Variants in HCN3 observed in about 807,000 individuals in gnomAD.
HCN3 encodes the protein potassium/sodium hyperpolarization-activated cyclic nucleotide-gated channel 3.
A neutral mutation model predicts 56.8 loss-of-function variants in HCN3; 36 were observed. The observed-to-expected ratio is 0.63, with a 90% CI of 0.49 to 0.84. The LOEUF is 0.84. Among genes scored for constraint, HCN3 ranks in the 40% least tolerant of loss-of-function variants. The pLI is 0.00. For synonymous variants in HCN3, 425 were observed against 439.7 expected (o/e 0.97, Z 0.42); for missense variants, 930 against 1,079.3 (o/e 0.86, Z 1.94).
Position 155,288,103 on chromosome 1 carries a change from C to G in HCN3, c.1965C>G (p.Ser655=). 6.2e-7 allele frequency: 1 copy of G among 1,607,826 alleles called. No homozygotes were observed. ...GGCGCTCAGCAGGCTCTCCAGCTTC[C>G]CCGCTGGTGCCCGTCCGAGCTGGCC... ...SAWRSAGSPA[S]PLVPVRAGPW... is the part of the protein sequence containing the mutation. The change falls in exon 8 of 8, where the codon TCC becomes TCG. Residue 655 remains serine (S), a synonymous_variant. Coordinates refer to ENST00000368358, the MANE Select transcript of HCN3 (RefSeq NM_020897.3). This position sits in a 1 kb window ranked among gnomAD's most constrained non-coding sequence, Gnocchi z 6.5.
rs1043342365 is a variant in HCN3 at position 155,282,298 on chromosome 1, T to G, written c.279-113T>G. On this transcript the variant is annotated intron_variant, in intron 1 of 7. Coordinates refer to ENST00000368358, the MANE Select transcript of HCN3 (RefSeq NM_020897.3). This position sits in a 1 kb window ranked among gnomAD's most constrained non-coding sequence, Gnocchi z 4.7. ...TACTCCCAACAGCTGTAAACAGTCA[T>G]TCTGTTATTGTGTATCTTTGCCCAT... 3.1e-6 allele frequency: 3 copies of G among 971,720 alleles called. No individual in the cohort carries two copies. The highest frequency in any genetic ancestry group is 3.2e-6 in the Non-Finnish European group (2 of 634,796). The allele number at this position is 971,720 out of a possible 1,614,324, so 60.2% of individuals were successfully genotyped here.
Position 155,282,314 on chromosome 1 carries a change from C to T in HCN3, c.279-97C>T. ...AAACAGTCATTCTGTTATTGTGTAT[C>T]TTTGCCCATTCTTGGCCATGTCAGC... On this transcript the variant is annotated intron_variant, in intron 1 of 7. Transcript: ENST00000368358. The surrounding 1 kb of genome is among the most constrained non-coding windows in gnomAD (Gnocchi z 4.7). 3 of 1,148,114 alleles carry T rather than the reference C, an allele frequency of 2.6e-6. No homozygotes were observed. The highest frequency in any genetic ancestry group is 2.8e-5 in the South Asian group (2 of 71,944). The allele number at this position is 1,148,114 out of a possible 1,614,324, so 71.1% of individuals were successfully genotyped here.
chr1:155,277,538 C>T lies in HCN3; in HGVS notation c.-53C>T. 6.6e-7 allele frequency: 1 copy of T among 1,505,362 alleles called. No homozygotes were observed. Among genetic ancestry groups the T allele is most frequent in the Non-Finnish European group, 8.9e-7 (1 of 1,126,690 alleles). 93.3% of individuals were successfully genotyped at this position (1,505,362 alleles called of 1,614,324 possible). A position where few individuals can be genotyped will look rare whatever the true frequency, so the allele number is the denominator to read the frequency against. On this transcript the variant is annotated 5_prime_UTR_variant, in exon 1 of 8. Coordinates refer to ENST00000368358, the MANE Select transcript of HCN3 (RefSeq NM_020897.3). ...CCTGCTCTGGAGGGGTTGCGGGTAC[C>T]TGATGGCCACAGAGGGCTCTAGGAG...
rs374546210 is a variant in HCN3, at chr1:155,284,165, T to C, written c.870+30T>C. On this transcript the variant is annotated intron_variant, in intron 3 of 7. Coordinates refer to ENST00000368358, the MANE Select transcript of HCN3 (RefSeq NM_020897.3). This position sits in a 1 kb window ranked among gnomAD's most constrained non-coding sequence, Gnocchi z 4.3. ...GAAGTCCCCACAGCTCTGCCTTTCC[T>C]GGGCCTTCTTAGGGCTCTTCTGCCT... 2 of 1,608,400 alleles carry C rather than the reference T, an allele frequency of 1.2e-6. No individual in the cohort carries two copies. The highest frequency in any genetic ancestry group is 1.7e-6 in the Non-Finnish European group (2 of 1,175,876).
chr1:155,285,935 C>T lies in HCN3; in HGVS notation c.1448C>T (p.Thr483Ile). 6.3e-7 allele frequency: 1 copy of T among 1,598,944 alleles called. No homozygotes were observed. The highest frequency in any genetic ancestry group is 1.1e-5 in the South Asian group (1 of 89,756). Residue 483 changes from threonine to isoleucine, a missense_variant, in exon 6 of 8, where the codon ACA becomes ATA. Physicochemically the swap from Thr to Ile is moderately conservative, Grantham distance 89. Transcript: ENST00000368358. The surrounding 1 kb of genome is among the most constrained non-coding windows in gnomAD (Gnocchi z 4.5). Reference sequence around the variant, plus strand: ...GTGCTGGCCCGCGGCGCCCGGGACACACGCCTCACCGATGGATCCTACTTT... The same window carrying T: ...GTGCTGGCCCGCGGCGCCCGGGACATACGCCTCACCGATGGATCCTACTTT... ...LSVLARGARD[T>I]RLTDGSYFGE...
At chr1:155,278,321 C>A (rs1336451852) in intron 1 of HCN3, 2 of 173,394 alleles carry the variant, frequency 1.2e-5, no homozygotes, top group Non-Finnish European at 2.5e-5. Context: ...CCTAGTTCAG[C>A]ATGACAGACT....
chr1:155,280,366 C>T (rs1174985234), intron 1 of HCN3, among the ~76,000 whole-genome samples: 1 of 151,676 alleles, frequency 6.6e-6, no homozygotes, highest in African/African-American at 2.4e-5. Context: ...CAGGTTCAAG[C>T]AATTCTCCTG....
Position 155,284,337 on chromosome 1 carries a change from C to G in HCN3, c.870+202C>G. The G allele has an allele frequency of 1.2e-6, 1 of 839,154 alleles. No individual in the cohort carries two copies. Among genetic ancestry groups the G allele is most frequent in the Non-Finnish European group, 1.8e-6 (1 of 554,790 alleles). The allele number at this position is 839,154 out of a possible 1,614,324, so 52.0% of individuals were successfully genotyped here. A position where few individuals can be genotyped will look rare whatever the true frequency, so the allele number is the denominator to read the frequency against. On this transcript the variant is annotated intron_variant, in intron 3 of 7. Coordinates refer to ENST00000368358, the MANE Select transcript of HCN3 (RefSeq NM_020897.3). This position sits in a 1 kb window ranked among gnomAD's most constrained non-coding sequence, Gnocchi z 4.3. ...GGAGGGAGCAGGCAAAGGAAGGGTA[C>G]CTACCCGGAAGCTGAGGCCCCCAAG...
intron 1 of HCN3, among the ~76,000 whole-genome samples, chr1:155,279,975 C>T (rs916782371): frequency 4.6e-5 from 7 of 151,838 alleles, no homozygotes; most frequent in Non-Finnish European, 1.0e-4. Context: ...GAGAAGGAGT[C>T]TCACTGTGTC....
rs34218829 is a variant in HCN3 at position 155,285,819 on chromosome 1, G to T, written c.1332G>T (p.Leu444=). The T allele has an allele frequency of 6.4e-3, 10,298 of 1,614,198 alleles. 593 individuals carry two copies. In the African/African-American group the frequency reaches 0.12, roughly 19 times the overall value. Residue 444 remains leucine, a synonymous_variant, in exon 6 of 8, where the codon CTG becomes CTT. Coordinates refer to ENST00000368358, the MANE Select transcript of HCN3 (RefSeq NM_020897.3). This position sits in a 1 kb window ranked among gnomAD's most constrained non-coding sequence, Gnocchi z 4.5. ...PSFVTAVLTK[L]RFEVFQPGDL... ...TCGTCACTGCAGTTCTCACCAAGCT[G>T]CGCTTTGAGGTCTTCCAGCCGGGGG...
At chr1:155,279,303 T>C (rs1042356331) in intron 1 of HCN3, among the ~76,000 whole-genome samples, 2 of 152,206 alleles carry the variant, frequency 1.3e-5, no homozygotes, top group African/African-American at 2.4e-5. Flanking sequence ...CAGTTCCCTC[T>C]TGACCTCTTC....
intron 6 of HCN3, 81 bp from the exon 7 acceptor site, chr1:155,287,092 T>C (rs1674313608): frequency 6.6e-7 from 1 of 1,519,412 alleles, no homozygotes; most frequent in Non-Finnish European, 8.9e-7. Context: ...CCTTAGAAAG[T>C]TGGGTCCACT....
At chr1:155,277,902 T>G in intron 1 of HCN3, 34 bp downstream of exon 1, 1 of 1,599,790 alleles carries the variant, frequency 6.3e-7, no homozygotes, top group Non-Finnish European at 8.5e-7. Context: ...GCAGGGTACA[T>G]CAATCCCACC....
In HCN3 at chr1:155,285,411, G is replaced by A; in HGVS notation, c.1236+100G>A. 2.1e-6 allele frequency: 3 copies of A among 1,455,352 alleles called. No homozygotes were observed. The highest frequency in any genetic ancestry group is 2.8e-6 in the Non-Finnish European group (3 of 1,080,528). 90.2% of individuals were successfully genotyped at this position (1,455,352 alleles called of 1,614,324 possible). ...CAGCAGGTGCTCCTATAGGGAATGA[G>A]GCCTGCAGAGGGCCCCGTGGGAGGC... On this transcript the variant is annotated intron_variant, in intron 5 of 7. Coordinates refer to ENST00000368358, the MANE Select transcript of HCN3 (RefSeq NM_020897.3). The surrounding 1 kb of genome is among the most constrained non-coding windows in gnomAD (Gnocchi z 4.5).
rs1256313130 is a variant in HCN3, at chr1:155,289,264, T to C, written c.*801T>C. On this transcript the variant is annotated 3_prime_UTR_variant, in exon 8 of 8. Coordinates refer to ENST00000368358, the MANE Select transcript of HCN3 (RefSeq NM_020897.3). ...AGGGGCAAATGGCTGAATCCTTGTG[T>C]GATATTTTTTTCTTCGCTTGTTTAT... The C allele has an allele frequency of 6.6e-6, 1 of 152,342 alleles. No individual in the cohort carries two copies. The highest frequency in any genetic ancestry group is 1.5e-5 in the Non-Finnish European group (1 of 68,042). 9.4% of individuals were successfully genotyped at this position (152,342 alleles called of 1,614,324 possible).
chr1:155,288,448 T>C lies in HCN3; in HGVS notation c.2310T>C (p.Leu770=). The C allele has an allele frequency of 6.2e-7, 1 of 1,600,652 alleles. No individual in the cohort carries two copies. Among genetic ancestry groups the C allele is most frequent in the Non-Finnish European group, 8.5e-7 (1 of 1,174,318 alleles). Residue 770 remains leucine (L), a synonymous_variant, in exon 8 of 8, where the codon CTT becomes CTC. Transcript: ENST00000368358. This position sits in a 1 kb window ranked among gnomAD's most constrained non-coding sequence, Gnocchi z 6.5. ...PEPATPRGLQ[L]SANM Reference sequence around the variant, plus strand: ...CAGCCACACCCCGGGGTCTCCAGCTTTCTGCCAACATGTAAAACCTTTGAG... The same window carrying C: ...CAGCCACACCCCGGGGTCTCCAGCTCTCTGCCAACATGTAAAACCTTTGAG...
rs2148191233 is a variant in HCN3, at chr1:155,288,766, G to A, written c.*303G>A. ...AAGTAGAAGTGACTCAAAACCCTCT[G>A]ACAAGGATATTCCCTTGGCTATGGT... On this transcript the variant is annotated 3_prime_UTR_variant, in exon 8 of 8. Coordinates refer to ENST00000368358, the MANE Select transcript of HCN3 (RefSeq NM_020897.3). This position sits in a 1 kb window ranked among gnomAD's most constrained non-coding sequence, Gnocchi z 6.5. The A allele has an allele frequency of 2.5e-6, 1 of 399,706 alleles. No individual in the cohort carries two copies. Among genetic ancestry groups the A allele is most frequent in the East Asian group, 4.0e-5 (1 of 24,934 alleles). The allele number at this position is 399,706 out of a possible 1,614,324, so 24.8% of individuals were successfully genotyped here. A position where few individuals can be genotyped will look rare whatever the true frequency, so the allele number is the denominator to read the frequency against.
rs550816096 is a variant in HCN3, at chr1:155,285,612, A to G, written c.1237-112A>G. 438 of 1,442,914 alleles carry G rather than the reference A, an allele frequency of 3.0e-4. 2 individuals carry two copies. In the South Asian group the frequency reaches 4.1e-3, roughly 13 times the overall value. The allele number at this position is 1,442,914 out of a possible 1,614,324, so 89.4% of individuals were successfully genotyped here. On this transcript the variant is annotated intron_variant, in intron 5 of 7. Coordinates refer to ENST00000368358, the MANE Select transcript of HCN3 (RefSeq NM_020897.3). The surrounding 1 kb of genome is among the most constrained non-coding windows in gnomAD (Gnocchi z 4.5). The stretch of plus-strand genomic sequence containing the variant: ...GTCCCAGGCCCACTGATGCCTCCCC[A>G]TCCTTTGGCAGAACATGACCCCAGG...
At position 155,284,652 on chromosome 1, in the gene HCN3, C is replaced by G. The variant is rs765625098; in HGVS notation, c.984C>G (p.Thr328=). ...TAGGCATGCCCGACGTCTGGCTCAC[C>G]ATGCTCAGCATGATCGTAGGTGCCA... ...APVGMPDVWL[T]MLSMIVGATC... Residue 328 remains threonine (T), a synonymous_variant, in exon 4 of 8, where the codon ACC becomes ACG. Transcript: ENST00000368358. This position sits in a 1 kb window ranked among gnomAD's most constrained non-coding sequence, Gnocchi z 4.3. The G allele has an allele frequency of 3.7e-6, 6 of 1,614,238 alleles. No individual in the cohort carries two copies. In the South Asian group the frequency reaches 6.6e-5, roughly 18 times the overall value.
Sources: allele counts gnomAD v4.1 joint callset (sites outside exome capture counted in the v4.1 genomes callset), GRCh38; gene constraint gnomAD v4.1.1; non-coding constraint Gnocchi (gnomAD v3.1); transcripts MANE v1.5; gene names NCBI Gene and HGNC (gene_info 2026-07-23, HGNC 2026-07-21).